ZNF385D: variants seen among roughly 807,000 people sequenced by gnomAD.
ZNF385D encodes zinc finger protein 659.
In ZNF385D, 15 loss-of-function variants were observed where a neutral mutation model predicts 35.8. That is an observed-to-expected ratio of 0.42 (90% confidence interval 0.28 to 0.64). ZNF385D has a LOEUF of 0.64. ZNF385D is among the 30% of genes least tolerant of loss of function. ZNF385D has a pLI of 0.23. For missense variants in ZNF385D, 474 were observed against 494.6 expected, an observed-to-expected ratio of 0.96 and a Z score of 0.39; for synonymous variants, 212 against 186.8, an observed-to-expected ratio of 1.13 and a Z score of -1.10.
chr3:22,166,099 C>T (rs1706303564), intron 3 of ZNF385D, among the ~76,000 whole-genome samples: 1 of 126,924 alleles, frequency 7.9e-6, no homozygotes, highest in African/African-American at 2.5e-5. Context: ...GTCCACCATC[C>T]TCTGAAGTAT....
intron 3 of ZNF385D, among the ~76,000 whole-genome samples, chr3:21,551,005 G>A (rs1285974857): frequency 6.6e-6 from 1 of 152,118 alleles, no homozygotes; most frequent in Non-Finnish European, 1.5e-5. Context: ...ATGAATTTCT[G>A]TTTACACTTT....
intron 3 of ZNF385D, among the ~76,000 whole-genome samples, chr3:22,034,022 A>C (rs1698165941): frequency 1.3e-5 from 2 of 152,190 alleles, no homozygotes; most frequent in Non-Finnish European, 2.9e-5. Context: ...TCCTGCTTTC[A>C]GAGAACCCTG....
chr3:22,163,154 G>C lies in ZNF385D; in HGVS notation c.325+5663C>G, dbSNP rs144457102. The stretch of plus-strand genomic sequence containing the variant: ...TAAGAGAAGGAACGAGCTCAGAGGA[G>C]GTAGTTCCCATGAGCTGAAGGCAAT... On this transcript the variant is annotated intron_variant, in intron 3 of 5. Coordinates refer to the ZNF385D transcript ENST00000494108. Among the ~76,000 whole-genome samples the C allele has an allele frequency of 1.5e-3, 222 of 152,198 alleles. 1 individual carries two copies. The highest frequency in any genetic ancestry group is 5.1e-3 in the African/African-American group (211 of 41,524).
At chr3:21,569,648 T>C (rs1480547591) in intron 2 of ZNF385D, among the ~76,000 whole-genome samples, 1 of 151,708 alleles carries the variant, frequency 6.6e-6, no homozygotes, top group Non-Finnish European at 1.5e-5. Flanking sequence ...ATGCAGTTTC[T>C]TCCTCGTCTC....
intron 1 of ZNF385D, among the ~76,000 whole-genome samples, chr3:21,692,531 G>C (rs1014594627): frequency 6.6e-6 from 1 of 152,180 alleles, no homozygotes; most frequent in Admixed American, 6.5e-5. Context: ...GATGTCCTAA[G>C]TGCTTCTCAA....
intron 2 of ZNF385D, among the ~76,000 whole-genome samples, chr3:22,304,322 C>T (rs183936823): frequency 2.7e-4 from 41 of 152,140 alleles, no homozygotes; most frequent in African/African-American, 9.6e-4. Flanking sequence ...TCTTGCTGTT[C>T]CTGATTTATA....
intron 4 of ZNF385D, among the ~76,000 whole-genome samples, chr3:21,474,815 C>T (rs74870510): frequency 1.3e-3 from 194 of 152,182 alleles, no homozygotes; most frequent in African/African-American, 4.6e-3. Flanking sequence ...TCAAATTATA[C>T]ATAAGTGATA....
chr3:21,821,394 T>A (rs986179087), intron 3 of ZNF385D, among the ~76,000 whole-genome samples: 1 of 152,198 alleles, frequency 6.6e-6, no homozygotes, highest in Non-Finnish European at 1.5e-5. Context: ...GCTTTTATGA[T>A]AAATACTCCC....
At chr3:21,511,845 C>T (rs891515516) in intron 3 of ZNF385D, 94 of 450,628 alleles carry the variant, frequency 2.1e-4, no homozygotes, top group South Asian at 3.0e-4. Flanking sequence ...TGTGGGGGAG[C>T]GGTATAGTGA....
intron 2 of ZNF385D, among the ~76,000 whole-genome samples, chr3:22,263,927 C>A (rs1700761119): frequency 6.6e-6 from 1 of 151,948 alleles, no homozygotes; most frequent in Non-Finnish European, 1.5e-5. Flanking sequence ...ATGATAAATT[C>A]TGCCTTAAAA....
At chr3:21,590,462 T>C (rs1456389817) in intron 2 of ZNF385D, among the ~76,000 whole-genome samples, 3 of 152,166 alleles carry the variant, frequency 2.0e-5, no homozygotes, top group Non-Finnish European at 2.9e-5. Context: ...CTTTGTATAT[T>C]TGTATACATC....
At chr3:21,990,966 C>T (rs1344728627) in intron 3 of ZNF385D, among the ~76,000 whole-genome samples, 1 of 152,208 alleles carries the variant, frequency 6.6e-6, no homozygotes, top group African/African-American at 2.4e-5. Context: ...GCAATACCAA[C>T]AGTGCACTGT....
At chr3:22,160,927 G>C (rs1347786110) in intron 3 of ZNF385D, among the ~76,000 whole-genome samples, 2 of 152,056 alleles carry the variant, frequency 1.3e-5, no homozygotes, top group South Asian at 2.1e-4. Context: ...ATTTGCCATA[G>C]AAGGTTTAAA....
chr3:21,662,677 C>A (rs1414767888), intron 2 of ZNF385D, among the ~76,000 whole-genome samples: 3 of 152,108 alleles, frequency 2.0e-5, no homozygotes, highest in African/African-American at 7.2e-5. Flanking sequence ...TTGACCATCA[C>A]TGGAAGGGAA....
chr3:22,241,390 C>T (rs1281125571), intron 2 of ZNF385D, among the ~76,000 whole-genome samples: 1 of 151,180 alleles, frequency 6.6e-6, no homozygotes, highest in African/African-American at 2.4e-5. Context: ...TGATCTTTGC[C>T]TATTCTATGT....
At chr3:21,490,616 G>A (rs1329518115) in intron 4 of ZNF385D, among the ~76,000 whole-genome samples, 1 of 152,092 alleles carries the variant, frequency 6.6e-6, no homozygotes, top group Non-Finnish European at 1.5e-5. Flanking sequence ...AAAAGCCTAG[G>A]CAATATGTAT....
chr3:21,974,456 TAAGC>T (rs1703466896), intron 3 of ZNF385D, among the ~76,000 whole-genome samples: 1 of 151,998 alleles, frequency 6.6e-6, no homozygotes, highest in South Asian at 2.1e-4. Flanking sequence ...TCTAAGATCT[TAAGC>T]TAAGAAACTA....
intron 1 of ZNF385D, among the ~76,000 whole-genome samples, chr3:21,704,038 G>T (rs1022703552): frequency 4.6e-5 from 7 of 152,178 alleles, no homozygotes; most frequent in African/African-American, 9.7e-5. Context: ...CCACTGAAAA[G>T]AAATTGTTGT....
chr3:21,707,967 G>C (rs1462412946), intron 1 of ZNF385D, among the ~76,000 whole-genome samples: 1 of 152,150 alleles, frequency 6.6e-6, no homozygotes, highest in African/African-American at 2.4e-5. Flanking sequence ...CAGACAGCTG[G>C]ATGTTTTAGT....
Sources: allele counts gnomAD v4.1 joint callset (sites outside exome capture counted in the v4.1 genomes callset), GRCh38; gene constraint gnomAD v4.1.1; transcripts MANE v1.5; gene names NCBI Gene and HGNC (gene_info 2026-07-23, HGNC 2026-07-21).